PPP3CA: variants seen among roughly 807,000 people sequenced by gnomAD.
PPP3CA encodes the protein CAM-PRP catalytic subunit.
Under a neutral mutation model 66.5 loss-of-function variants are expected in PPP3CA, and 14 were observed. That is an observed-to-expected ratio of 0.21 (90% CI 0.14 to 0.33). The LOEUF (loss-of-function observed/expected upper bound fraction) is 0.33. PPP3CA is among the 10% of genes least tolerant of loss of function. The pLI, the probability that PPP3CA is intolerant of heterozygous loss-of-function variation, is 1.00. For synonymous variants in PPP3CA, 232 were observed against 226.2 expected (o/e 1.03, Z -0.23); for missense variants, 317 against 639.5 (o/e 0.50, Z 5.44).
chr4:101,227,555 G>C (rs1328869572), intron 1 of PPP3CA, among the ~76,000 whole-genome samples: 2 of 151,590 alleles, frequency 1.3e-5, no homozygotes, highest in Non-Finnish European at 3.0e-5. Context: ...CATCCAACAG[G>C]CCTTTTCTTT....
chr4:101,080,593 G>T lies in PPP3CA; in HGVS notation c.894C>A (p.Gly298=). Residue 298 remains glycine (G), a synonymous_variant, in exon 8 of 14, where the codon GGC becomes GGA. Coordinates refer to ENST00000394854, the MANE Select transcript of PPP3CA (RefSeq NM_000944.5). ...YRMYRKSQTT[G]FPSLITIFSA... ...AAAAAATTGTAATTAGAGAAGGGAA[G>T]CCTGTTGTTTGGCTTTTCCTGTACA... 2.0e-6 allele frequency: 3 copies of T among 1,529,438 alleles called. No individual in the cohort carries two copies. The highest frequency in any genetic ancestry group is 2.7e-6 in the Non-Finnish European group (3 of 1,125,926). The allele number at this position is 1,529,438 out of a possible 1,614,324, so 94.7% of individuals were successfully genotyped here.
chr4:101,329,685 C>T (rs1205448042), intron 1 of PPP3CA, among the ~76,000 whole-genome samples: 1 of 152,104 alleles, frequency 6.6e-6, no homozygotes, highest in Non-Finnish European at 1.5e-5. Flanking sequence ...AGTTGAGGCC[C>T]ATGCTCATTT....
intron 6 of PPP3CA, among the ~76,000 whole-genome samples, chr4:101,092,726 G>A (rs1273989393): frequency 6.6e-6 from 1 of 151,934 alleles, no homozygotes; most frequent in Non-Finnish European, 1.5e-5. Context: ...TTGCATTGGG[G>A]CAAAAATAAT....
chr4:101,029,246 T>G (rs1027100403), intron 12 of PPP3CA, 51 bp from the exon 13 acceptor site: 4 of 1,518,428 alleles, frequency 2.6e-6, no homozygotes, highest in South Asian at 1.1e-5. Flanking sequence ...GAGCAGAGGA[T>G]TTTTTAACTC....
intron 1 of PPP3CA, among the ~76,000 whole-genome samples, chr4:101,225,736 G>T (rs1386566798): frequency 6.6e-6 from 1 of 151,652 alleles, no homozygotes; most frequent in African/African-American, 2.4e-5. Context: ...CTTAAGAAAT[G>T]ATATGATGAC....
intron 1 of PPP3CA, among the ~76,000 whole-genome samples, chr4:101,330,960 G>C (rs1249388490): frequency 3.2e-5 from 4 of 126,120 alleles, no homozygotes; most frequent in African/African-American, 2.3e-4. Flanking sequence ...ATTGTTGTGG[G>C]CCTCAACTAC....
intron 11 of PPP3CA, among the ~76,000 whole-genome samples, chr4:101,037,890 A>T (rs570785890): frequency 6.6e-6 from 1 of 152,324 alleles, no homozygotes; most frequent in East Asian, 1.9e-4. Context: ...ATACATTTAG[A>T]ATTCATTACT....
At chr4:101,184,986 A>G (rs1022954891) in intron 2 of PPP3CA, among the ~76,000 whole-genome samples, 2 of 152,110 alleles carry the variant, frequency 1.3e-5, no homozygotes, top group African/African-American at 4.8e-5. Context: ...AAAAATTGCA[A>G]GCTATATGCC....
intron 1 of PPP3CA, among the ~76,000 whole-genome samples, chr4:101,339,308 T>G (rs1296184132): frequency 6.6e-6 from 1 of 152,194 alleles, no homozygotes; most frequent in African/African-American, 2.4e-5. Flanking sequence ...ACACAAATCA[T>G]CCAATAATCA....
intron 5 of PPP3CA, among the ~76,000 whole-genome samples, chr4:101,097,612 C>A (rs1017300333): frequency 6.6e-6 from 1 of 152,138 alleles, no homozygotes; most frequent in South Asian, 2.1e-4. Context: ...AAATACACTG[C>A]GATTTTTTAT....
chr4:101,131,421 G>GAAA (rs60025424), intron 2 of PPP3CA, among the ~76,000 whole-genome samples: 1 of 102,490 alleles, frequency 9.8e-6, no homozygotes, highest in Non-Finnish European at 2.1e-5. Flanking sequence ...CAAATAGAAA[G>GAAA]AAAAAAAAAA....
chr4:101,070,810 T>C (rs1381544169), intron 8 of PPP3CA, among the ~76,000 whole-genome samples: 2 of 152,200 alleles, frequency 1.3e-5, no homozygotes, highest in Non-Finnish European at 2.9e-5. Flanking sequence ...TTGGGGCTGA[T>C]AATTGATCTT....
intron 2 of PPP3CA, among the ~76,000 whole-genome samples, chr4:101,153,483 A>G (rs1723209130): frequency 6.6e-6 from 1 of 152,216 alleles, no homozygotes; most frequent in Admixed American, 6.5e-5. Context: ...AGAATTGTAT[A>G]AACACTTGGT....
At chr4:101,036,679 T>A (rs752040213) in intron 11 of PPP3CA, among the ~76,000 whole-genome samples, 1 of 152,200 alleles carries the variant, frequency 6.6e-6, no homozygotes, top group Non-Finnish European at 1.5e-5. Context: ...CCCAAAGTGT[T>A]GGGATTACAG....
intron 8 of PPP3CA, among the ~76,000 whole-genome samples, chr4:101,068,365 G>A (rs1219195930): frequency 3.9e-5 from 6 of 152,126 alleles, no homozygotes; most frequent in East Asian, 3.9e-4. Flanking sequence ...CTACCATCAC[G>A]AAAGGAGGCA....
chr4:101,167,492 G>A (rs1382896252), intron 2 of PPP3CA, among the ~76,000 whole-genome samples: 3 of 151,918 alleles, frequency 2.0e-5, no homozygotes, highest in Non-Finnish European at 4.4e-5. Flanking sequence ...CTGGGAATAG[G>A]GCAATGAAAA....
At chr4:101,070,392 G>A (rs1268480396) in intron 8 of PPP3CA, among the ~76,000 whole-genome samples, 1 of 152,062 alleles carries the variant, frequency 6.6e-6, no homozygotes, top group Non-Finnish European at 1.5e-5. Context: ...CAGGTAAAAG[G>A]CAATGTGTCA....
Position 101,099,685 on chromosome 4 carries a change from G to T in PPP3CA, c.422C>A (p.Pro141His). The change falls in exon 4 of 14, where the codon CCC becomes CAC. Residue 141 changes from proline (P) to histidine (H), a missense_variant. Pro to His is a moderately conservative substitution (Grantham distance 77, BLOSUM62 -2). Around this residue, in one of 3 missense-constraint regions of PPP3CA, gnomAD observed 201 missense variants for 501.4 expected, o/e 0.40. Coordinates refer to ENST00000394854, the MANE Select transcript of PPP3CA (RefSeq NM_000944.5). The part of the protein sequence containing the change: ...LYLWALKILY[P>H]KTLFLLRGNH... ...TCCACGAAGTAAAAACAGTGTTTTG[G>T]GGTAGAGAATTTTCAAGGCCCACAA... 1 of 1,589,208 alleles carries T rather than the reference G, an allele frequency of 6.3e-7. No homozygotes were observed. Among genetic ancestry groups the T allele is most frequent in the Non-Finnish European group, 8.6e-7 (1 of 1,167,206 alleles).
chr4:101,160,262 G>C (rs541011807), intron 2 of PPP3CA, among the ~76,000 whole-genome samples: 1 of 152,120 alleles, frequency 6.6e-6, no homozygotes, highest in Admixed American at 6.6e-5. Context: ...CTTCCCCATG[G>C]AAAATCCATT....
Sources: gnomAD v4.1 joint callset for allele counts (sites outside exome capture counted in the v4.1 genomes callset) on GRCh38, gnomAD v4.1.1 for gene constraint, gnomAD v4.1.1 regional missense constraint, MANE v1.5 for transcripts, NCBI Gene and HGNC (gene_info 2026-07-23, HGNC 2026-07-21) for gene names.